The following IRF2 variants were observed in gnomAD, a reference collection of about 807,000 sequenced individuals.
IRF2 encodes interferon regulatory factor 2.
IRF2 carries 15 observed loss-of-function variants against 40.6 expected under a neutral mutation model. The ratio of observed to expected loss-of-function variants is 0.37; its 90% CI spans 0.25 to 0.57. The LOEUF (loss-of-function observed/expected upper bound fraction) is 0.57, where lower values mean the gene tolerates loss of function less well. IRF2 is among the 20% of genes least tolerant of loss of function. The pLI, the probability that IRF2 is intolerant of heterozygous loss-of-function variation, is 0.77. For synonymous variants in IRF2, 151 were observed against 165.5 expected, an observed-to-expected ratio of 0.91 and a Z score of 0.67; for missense variants, 317 against 455.7, an observed-to-expected ratio of 0.70 and a Z score of 2.77.
intron 1 of IRF2, among the ~76,000 whole-genome samples, chr4:184,451,338 A>C (rs1307475884): frequency 6.6e-6 from 1 of 152,186 alleles, no homozygotes; most frequent in Non-Finnish European, 1.5e-5. Context: ...GCTTCACAAA[A>C]TTGTTCTCCT....
chr4:184,439,123 G>A (rs1287436791), intron 1 of IRF2, among the ~76,000 whole-genome samples: 1 of 152,132 alleles, frequency 6.6e-6, no homozygotes, highest in Non-Finnish European at 1.5e-5. Flanking sequence ...AAGAATGGGA[G>A]TCTCCAGCCA....
At position 184,388,906 on chromosome 4, in the gene IRF2, T is replaced by C. The variant is rs1414792384; in HGVS notation, c.902A>G (p.Tyr301Cys). The C allele has an allele frequency of 1.9e-6, 3 of 1,614,082 alleles. No homozygotes were observed. The highest frequency in any genetic ancestry group is 1.6e-4 in the Middle Eastern group (1 of 6,062). Residue 301 changes from tyrosine (Y) to cysteine (C), a missense_variant, in exon 9 of 9, where the codon TAC (tyrosine) becomes TGC (cysteine). Tyr to Cys is a radical substitution (Grantham distance 194). Coordinates refer to ENST00000393593, the MANE Select transcript of IRF2 (RefSeq NM_002199.4). The surrounding 1 kb of genome is among the most constrained non-coding windows in gnomAD (Gnocchi z 4.6). ...TIKEESNPVP[Y>C]NSSWPPFQDL... ...TTGAAAAGGGGGCCAGGAGCTGTTG[T>C]AAGGCACCGGATTGCTCTCCTCTTT... is the stretch of plus-strand genomic sequence containing the variant.
intron 1 of IRF2, among the ~76,000 whole-genome samples, chr4:184,468,750 A>G (rs767775411): frequency 6.6e-6 from 1 of 152,198 alleles, no homozygotes; most frequent in Admixed American, 6.5e-5. Context: ...CAGGGATCCA[A>G]TGGTGAATAA....
At chr4:184,450,174 T>G (rs1206220455) in intron 1 of IRF2, among the ~76,000 whole-genome samples, 2 of 152,222 alleles carry the variant, frequency 1.3e-5, no homozygotes, top group African/African-American at 4.8e-5. Flanking sequence ...ATTTCTGCAG[T>G]GAAACACGAA....
intron 6 of IRF2, among the ~76,000 whole-genome samples, chr4:184,406,164 G>A (rs971365795): frequency 2.0e-5 from 3 of 152,120 alleles, no homozygotes; most frequent in African/African-American, 7.2e-5. Context: ...GGGCACAGCT[G>A]ACAGCATGGG....
At chr4:184,452,367 G>C (rs1738744709) in intron 1 of IRF2, among the ~76,000 whole-genome samples, 1 of 152,224 alleles carries the variant, frequency 6.6e-6, no homozygotes, top group African/African-American at 2.4e-5. Context: ...AAGAAGCAGA[G>C]TGAAAGACGA....
chr4:184,400,849 TG>T (rs1736639877), intron 6 of IRF2, among the ~76,000 whole-genome samples: 1 of 152,218 alleles, frequency 6.6e-6, no homozygotes, highest in African/African-American at 2.4e-5. Flanking sequence ...CTCATACCAC[TG>T]TTAGTTGGAT....
intron 1 of IRF2, among the ~76,000 whole-genome samples, chr4:184,439,339 G>A (rs1287399891): frequency 6.9e-5 from 10 of 145,384 alleles, no homozygotes; most frequent in South Asian, 2.2e-4. Flanking sequence ...AAAGCGGGGC[G>A]GAGCGGGGGT....
At chr4:184,428,653 G>A in intron 2 of IRF2, 1 of 459,012 alleles carries the variant, frequency 2.2e-6, no homozygotes. Context: ...ACAAAAATTG[G>A]CCAGGTGTGG....
chr4:184,445,301 T>G (rs940403279), intron 1 of IRF2, among the ~76,000 whole-genome samples: 1 of 152,128 alleles, frequency 6.6e-6, no homozygotes, highest in Non-Finnish European at 1.5e-5. Flanking sequence ...CACTCTTAAG[T>G]CCTGAGTTTT....
intron 5 of IRF2, among the ~76,000 whole-genome samples, chr4:184,416,927 T>A (rs1375505116): frequency 6.6e-6 from 1 of 152,040 alleles, no homozygotes; most frequent in Non-Finnish European, 1.5e-5. Context: ...GTGTTTGTAG[T>A]CTCAGCTACT....
At chr4:184,414,001 A>G (rs1737172048) in intron 5 of IRF2, among the ~76,000 whole-genome samples, 1 of 152,202 alleles carries the variant, frequency 6.6e-6, no homozygotes, top group East Asian at 1.9e-4. Context: ...TTAGGCCCCA[A>G]AGGCTACGAG....
chr4:184,418,254 G>T (rs1395550838), intron 4 of IRF2, 41 bp from the exon 5 acceptor site: 2 of 1,434,694 alleles, frequency 1.4e-6, no homozygotes, highest in Admixed American at 3.4e-5. Context: ...ATTCACGAAG[G>T]GCCTCCAGAG....
intron 7 of IRF2, among the ~76,000 whole-genome samples, chr4:184,398,128 C>G (rs1736532728): frequency 6.6e-6 from 1 of 152,206 alleles, no homozygotes; most frequent in South Asian, 2.1e-4. Context: ...AGCTTGGGGT[C>G]TGAAGGCTGA....
At chr4:184,439,062 C>A (rs972944901) in intron 1 of IRF2, among the ~76,000 whole-genome samples, 11 of 152,260 alleles carry the variant, frequency 7.2e-5, no homozygotes, top group Admixed American at 3.9e-4. Context: ...TGCACCAATG[C>A]AAAACTGATT....
chr4:184,453,337 A>G (rs1017483775), intron 1 of IRF2, among the ~76,000 whole-genome samples: 1 of 152,262 alleles, frequency 6.6e-6, no homozygotes, highest in Non-Finnish European at 1.5e-5. Flanking sequence ...GGGTCGCAGC[A>G]TCTAGATGGC....
intron 4 of IRF2, 155 bp downstream of exon 4, chr4:184,418,377 G>A: frequency 1.0e-6 from 1 of 954,642 alleles, no homozygotes; most frequent in Non-Finnish European, 1.6e-6. Context: ...TGAATCGAAA[G>A]TCTTGTTTCC....
At chr4:184,473,895 C>T (rs903795010) in intron 1 of IRF2, 1 of 152,012 alleles carries the variant, frequency 6.6e-6, no homozygotes, top group African/African-American at 2.4e-5. Context: ...TGGCTGCACA[C>T]ACACACACGC....
intron 1 of IRF2, among the ~76,000 whole-genome samples, chr4:184,461,457 TCTTA>T (rs976509903): frequency 1.2e-4 from 18 of 152,226 alleles, no homozygotes; most frequent in Non-Finnish European, 2.5e-4. Context: ...GGAACTGTCA[TCTTA>T]CTTGCCTAAT....
Sources: gnomAD v4.1 joint callset for allele counts (sites outside exome capture counted in the v4.1 genomes callset) on GRCh38, gnomAD v4.1.1 for gene constraint, Gnocchi (gnomAD v3.1) non-coding constraint, MANE v1.5 for transcripts, NCBI Gene and HGNC (gene_info 2026-07-23, HGNC 2026-07-21) for gene names.